TAOK1: variants seen among roughly 807,000 people sequenced by gnomAD.
The protein encoded by TAOK1 is TAO kinase 1.
In TAOK1, 21 loss-of-function variants were observed where a neutral mutation model predicts 138.3. That is an observed-to-expected ratio of 0.15 (90% CI 0.11 to 0.22). The LOEUF is 0.22. TAOK1 is among the 10% of genes least tolerant of loss of function. The pLI is 1.00. For missense variants in TAOK1, 651 were observed against 1,227.7 expected (o/e 0.53, Z 7.02); for synonymous variants, 361 against 398.4 (o/e 0.91, Z 1.12).
chr17:29,502,818 G>A (rs2031554566), intron 13 of TAOK1, 95 bp downstream of exon 13: 2 of 1,375,222 alleles, frequency 1.5e-6, no homozygotes, highest in Non-Finnish European at 1.9e-6. Context: ...TTGTATTTGG[G>A]TTTTATTTTA....
chr17:29,420,555 T>C (rs1422180943), intron 1 of TAOK1, among the ~76,000 whole-genome samples: 1 of 151,058 alleles, frequency 6.6e-6, no homozygotes, highest in Non-Finnish European at 1.5e-5. Flanking sequence ...CTTGTCTTAT[T>C]CCCTATCTTA....
intron 3 of TAOK1, among the ~76,000 whole-genome samples, chr17:29,468,522 G>A (rs1309732511): frequency 6.6e-6 from 1 of 151,118 alleles, no homozygotes; most frequent in Non-Finnish European, 1.5e-5. Context: ...AAAATAAGAT[G>A]TACTTGACAG....
intron 1 of TAOK1, among the ~76,000 whole-genome samples, chr17:29,392,403 T>G (rs1024392114): frequency 7.9e-5 from 12 of 152,218 alleles, no homozygotes; most frequent in Non-Finnish European, 1.8e-4. Context: ...TGCCTAATTA[T>G]TCTATGATCT....
intron 17 of TAOK1, among the ~76,000 whole-genome samples, chr17:29,524,948 G>A (rs979849276): frequency 2.0e-5 from 3 of 152,036 alleles, no homozygotes; most frequent in Non-Finnish European, 2.9e-5. Flanking sequence ...CCTTCATCTC[G>A]CTTTCACTTG....
intron 1 of TAOK1, among the ~76,000 whole-genome samples, chr17:29,403,457 C>T (rs1227170963): frequency 6.6e-6 from 1 of 152,080 alleles, no homozygotes; most frequent in African/African-American, 2.4e-5. Flanking sequence ...CCATCCATAT[C>T]CTTGATTGTA....
At chr17:29,541,389 C>T (rs992872391) in intron 19 of TAOK1, among the ~76,000 whole-genome samples, 3 of 151,602 alleles carry the variant, frequency 2.0e-5, no homozygotes, top group South Asian at 4.2e-4. Context: ...AGATTATGGG[C>T]GTGATCCACC....
chr17:29,484,534 T>C, intron 8 of TAOK1, among the ~76,000 whole-genome samples: 1 of 152,202 alleles, frequency 6.6e-6, no homozygotes, highest in East Asian at 1.9e-4. Flanking sequence ...TAGTCACATG[T>C]GCTAGTTAGC....
At chr17:29,515,811 G>T (rs1355249862) in intron 15 of TAOK1, among the ~76,000 whole-genome samples, 1 of 151,476 alleles carries the variant, frequency 6.6e-6, no homozygotes, top group Non-Finnish European at 1.5e-5. Flanking sequence ...ACTCCAGCCT[G>T]GGCGACAGAG....
At chr17:29,503,804 A>G (rs1227841464) in intron 13 of TAOK1, among the ~76,000 whole-genome samples, 1 of 151,878 alleles carries the variant, frequency 6.6e-6, no homozygotes, top group Non-Finnish European at 1.5e-5. Flanking sequence ...GTGAAACTCC[A>G]TCTCTACAAA....
chr17:29,399,347 G>T (rs927155185), intron 1 of TAOK1, among the ~76,000 whole-genome samples: 6 of 150,664 alleles, frequency 4.0e-5, no homozygotes, highest in African/African-American at 1.2e-4. Flanking sequence ...ACGGAGTCTC[G>T]CTCTGTTGCC....
At position 29,533,647 on chromosome 17, in the gene TAOK1, C is replaced by T. The variant is rs1419773079; in HGVS notation, c.2362-471C>T. 3.3e-5 allele frequency among the ~76,000 whole-genome samples: 5 copies of T among 151,566 alleles called. No homozygotes were observed. The South Asian group carries it at 6.3e-4, about 19-fold the overall frequency. ...TGCGGTTAGGAGCTGGAGACCAGCC[C>T]GGCCAACACAGCGAAACCCCGTCTC... On this transcript the variant is annotated intron_variant, in intron 18 of 19. Transcript: ENST00000261716.
At chr17:29,491,009 A>G (rs1420626239) in intron 9 of TAOK1, among the ~76,000 whole-genome samples, 2 of 152,220 alleles carry the variant, frequency 1.3e-5, no homozygotes, top group Admixed American at 6.5e-5. Context: ...TTAAGTTTCA[A>G]CATCAGTTTT....
chr17:29,510,803 A>G, intron 14 of TAOK1, 61 bp from the exon 15 acceptor site: 1 of 1,253,984 alleles, frequency 8.0e-7, no homozygotes, highest in Non-Finnish European at 1.1e-6. Context: ...TTAATGATGT[A>G]TATTAAACCA....
chr17:29,400,904 CTTTTTTTT>C (rs10539936), intron 1 of TAOK1, among the ~76,000 whole-genome samples: 3 of 105,270 alleles, frequency 2.8e-5, no homozygotes, highest in Non-Finnish European at 3.7e-5. Context: ...TTGTTTGCCT[CTTTTTTTT>C]TTTTTTTTTT....
chr17:29,414,829 G>A (rs1368826628), intron 1 of TAOK1, among the ~76,000 whole-genome samples: 1 of 152,200 alleles, frequency 6.6e-6, no homozygotes. Context: ...AAAGTGCTAG[G>A]ATTACAGGCG....
chr17:29,490,161 A>G (rs1438720638), intron 9 of TAOK1, among the ~76,000 whole-genome samples: 1 of 152,048 alleles, frequency 6.6e-6, no homozygotes, highest in Non-Finnish European at 1.5e-5. Context: ...TTTATATGAT[A>G]TAAAAATATA....
rs560420199 is a variant in TAOK1 at position 29,488,251 on chromosome 17, A to G, written c.656-1413A>G. On this transcript the variant is annotated intron_variant, in intron 8 of 19. Coordinates refer to ENST00000261716, the MANE Select transcript of TAOK1 (RefSeq NM_020791.4). ...ACTTATAATACCTAATACAATATCA[A>G]TGCCATGTAAGTAGCTGTCTTAAAA... Among the ~76,000 whole-genome samples the G allele has an allele frequency of 3.9e-5, 6 of 152,286 alleles. No homozygotes were observed. The South Asian group carries it at 1.2e-3, about 32-fold the overall frequency.
In TAOK1 at chr17:29,551,279, G is replaced by A. The variant is rs1456116793; in HGVS notation, c.*8257G>A. 6.6e-6 allele frequency: 1 copy of A among 152,086 alleles called. No individual in the cohort carries two copies. Among genetic ancestry groups the A allele is most frequent in the Non-Finnish European group, 1.5e-5 (1 of 68,016 alleles). 9.4% of individuals were successfully genotyped at this position (152,086 alleles called of 1,614,324 possible). ...ATTTGTACATTTCTAGTTCCCTTTGGTGAAGGGAAAAATGATGATTTTGCA... is the reference window on the plus strand; with the variant it reads ...ATTTGTACATTTCTAGTTCCCTTTGATGAAGGGAAAAATGATGATTTTGCA... On this transcript the variant is annotated 3_prime_UTR_variant, in exon 20 of 20. Coordinates refer to ENST00000261716, the MANE Select transcript of TAOK1 (RefSeq NM_020791.4).
chr17:29,401,561 A>G (rs574588884), intron 1 of TAOK1, among the ~76,000 whole-genome samples: 4 of 152,166 alleles, frequency 2.6e-5, no homozygotes, highest in Non-Finnish European at 5.9e-5. Context: ...CAATGATCCA[A>G]TCATTTCCAC....
Sources: allele counts gnomAD v4.1 joint callset (sites outside exome capture counted in the v4.1 genomes callset), GRCh38; gene constraint gnomAD v4.1.1; transcripts MANE v1.5; gene names NCBI Gene and HGNC (gene_info 2026-07-23, HGNC 2026-07-21).